Variants in UMAD1 observed in about 807,000 individuals in gnomAD.
The protein encoded by UMAD1 is UBAP1-MVB12-associated (UMA) domain containing 1, also known as UBAP1-MVB12-associated (UMA)-domain containing protein 1.
In UMAD1, 8 loss-of-function variants were observed where a neutral mutation model predicts 6.1. That is an observed-to-expected ratio of 1.30 (90% confidence interval 0.76 to 2.35). UMAD1 has a LOEUF of 2.35. Ranked by LOEUF, UMAD1 falls within the 30% of genes most tolerant of loss-of-function variation. The pLI, the probability that UMAD1 is intolerant of heterozygous loss-of-function variation, is 0.00. For synonymous variants in UMAD1, 56 were observed against 31.4 expected (o/e 1.78, Z -2.61); for missense variants, 130 against 78.4 (o/e 1.66, Z -2.49).
chr7:7,737,463 A>G (rs1247301527), intron 2 of UMAD1, among the ~76,000 whole-genome samples: 2 of 152,204 alleles, frequency 1.3e-5, no homozygotes, highest in Admixed American at 1.3e-4. Context: ...TATCTTGTGC[A>G]TTATTCAATC....
chr7:7,754,287 A>G (rs181488918), intron 2 of UMAD1, among the ~76,000 whole-genome samples: 3 of 152,302 alleles, frequency 2.0e-5, no homozygotes, highest in African/African-American at 7.2e-5. Context: ...TGTCTTGTGA[A>G]TATAAGCCAT....
In UMAD1 at chr7:7,753,471, TA is replaced by T. The variant is rs545924190; in HGVS notation, c.83-48197del. Among the ~76,000 whole-genome samples, 26 of 152,324 alleles carry T rather than the reference TA, an allele frequency of 1.7e-4. No homozygotes were observed. The South Asian group carries it at 5.0e-3, about 29-fold the overall frequency. On this transcript the variant is annotated intron_variant, in intron 2 of 3. Coordinates refer to ENST00000682710, the MANE Select transcript of UMAD1 (RefSeq NM_001302348.2). ...ACCATTCTTCTACTCTCTATTTCCA[TA>T]AGTTCAATTGTTTTGATTTTGAGAT...
chr7:7,768,578 G>A (rs995700437), intron 2 of UMAD1, among the ~76,000 whole-genome samples: 4 of 151,902 alleles, frequency 2.6e-5, no homozygotes, highest in African/African-American at 9.7e-5. Context: ...AACTCCTCCT[G>A]CTCTGGAGGA....
At chr7:7,854,355 C>CAAAAA (rs34829393) in intron 3 of UMAD1, among the ~76,000 whole-genome samples, 47 of 49,020 alleles carry the variant, frequency 9.6e-4, no homozygotes, top group Middle Eastern at 0.019. Flanking sequence ...AGCTCCATCT[C>CAAAAA]AAAAAAAAAA....
chr7:7,724,832 A>G (rs571258334), intron 2 of UMAD1, among the ~76,000 whole-genome samples: 1 of 152,302 alleles, frequency 6.6e-6, no homozygotes, highest in South Asian at 2.1e-4. Context: ...ACCAGAAGCA[A>G]TTTGCTTTCA....
At chr7:7,790,503 T>C (rs1276538732) in intron 2 of UMAD1, among the ~76,000 whole-genome samples, 1 of 152,206 alleles carries the variant, frequency 6.6e-6, no homozygotes, top group Non-Finnish European at 1.5e-5. Context: ...TTCAGGCCCA[T>C]TCAGGCCCTT....
At chr7:7,759,296 A>G (rs1042449939) in intron 2 of UMAD1, among the ~76,000 whole-genome samples, 3 of 152,170 alleles carry the variant, frequency 2.0e-5, no homozygotes, top group Non-Finnish European at 4.4e-5. Flanking sequence ...CCTGGACTCT[A>G]CAGGAATTAC....
At chr7:7,647,940 A>G (rs561477795) in intron 1 of UMAD1, among the ~76,000 whole-genome samples, 2 of 152,122 alleles carry the variant, frequency 1.3e-5, no homozygotes, top group Non-Finnish European at 2.9e-5. Context: ...GTTTGCTACT[A>G]TTATAGACGT....
chr7:7,812,059 A>G (rs1783030898), intron 3 of UMAD1, among the ~76,000 whole-genome samples: 1 of 152,200 alleles, frequency 6.6e-6, no homozygotes, highest in African/African-American at 2.4e-5. Flanking sequence ...TTGTTACCAC[A>G]ACATCTGTAT....
intron 2 of UMAD1, among the ~76,000 whole-genome samples, chr7:7,728,063 A>G (rs1390558293): frequency 2.6e-5 from 4 of 151,540 alleles, no homozygotes; most frequent in Non-Finnish European, 5.9e-5. Context: ...CCTATTTTTA[A>G]CTCTTGGGAC....
chr7:7,824,131 C>G (rs1783297927), intron 3 of UMAD1, among the ~76,000 whole-genome samples: 2 of 152,076 alleles, frequency 1.3e-5, no homozygotes, highest in Non-Finnish European at 1.5e-5. Context: ...TCCACAGAAT[C>G]AGAGAGGAAC....
Position 7,749,630 on chromosome 7 carries a change from G to A in UMAD1, c.83-52040G>A, listed in dbSNP as rs144937505. 8.3e-3 allele frequency among the ~76,000 whole-genome samples: 1,268 copies of A among 152,216 alleles called. 6 individuals carry two copies. Among genetic ancestry groups the A allele is most frequent in the Middle Eastern group, 0.014 (4 of 294 alleles). On this transcript the variant is annotated intron_variant, in intron 2 of 3. Coordinates refer to ENST00000682710, the MANE Select transcript of UMAD1 (RefSeq NM_001302348.2). ...CCTCTTGGCATGCTTAGGAGGGCAA[G>A]TCATGAATCTTTACTCTCATATTTT... is the stretch of plus-strand genomic sequence containing the variant.
chr7:7,697,483 T>C (rs926080489), intron 2 of UMAD1, among the ~76,000 whole-genome samples: 48 of 152,342 alleles, frequency 3.2e-4, no homozygotes, highest in African/African-American at 1.1e-3. Flanking sequence ...AAATGGCTAA[T>C]GTAAAATTCA....
rs71011001 is a variant in UMAD1, at chr7:7,704,766, C to CAAAAAAAA, written c.82+31333_82+31340dup. ...TGGGTGACAGAGCGAGACTCCATCT[C>CAAAAAAAA]AAAAAAAAAAAAAAAAAAAAAAAAA... On this transcript the variant is annotated intron_variant, in intron 2 of 3. Transcript: ENST00000682710. 2.0e-3 allele frequency among the ~76,000 whole-genome samples: 35 copies of CAAAAAAAA among 17,848 alleles called. 5 individuals carry two copies. The East Asian group carries it at 0.04, about 20-fold the overall frequency. The allele number at this position is 17,848 out of a possible 152,430, so 11.7% of individuals were successfully genotyped here.
intron 3 of UMAD1, among the ~76,000 whole-genome samples, chr7:7,845,947 G>T (rs11982917): frequency 0.094 from 14,235 of 152,090 alleles, 809 homozygotes; most frequent in Non-Finnish European, 0.13. Flanking sequence ...TTAATACTAG[G>T]CAACTATTTA....
intron 3 of UMAD1, among the ~76,000 whole-genome samples, chr7:7,851,596 C>G (rs777871338): frequency 1.2e-4 from 18 of 152,132 alleles, no homozygotes; most frequent in Non-Finnish European, 2.6e-4. Flanking sequence ...TATAACCATC[C>G]TGCTGGGTGA....
In UMAD1 at chr7:7,745,296, C is replaced by A. The variant is rs373334377; in HGVS notation, c.83-56374C>A. Among the ~76,000 whole-genome samples the A allele has an allele frequency of 3.9e-5, 6 of 152,270 alleles. No individual in the cohort carries two copies. The East Asian group carries it at 5.8e-4, about 15-fold the overall frequency. On this transcript the variant is annotated intron_variant, in intron 2 of 3. Transcript: ENST00000682710. ...ACACGTATAGTGTACACCTGCAGTT[C>A]AAACCTGTGTTGTTCAAGGGTCAGC...
At chr7:7,703,139 GTTTAT>G (rs1780505473) in intron 2 of UMAD1, among the ~76,000 whole-genome samples, 1 of 152,160 alleles carries the variant, frequency 6.6e-6, no homozygotes, top group Admixed American at 6.5e-5. Flanking sequence ...TACAGCTGTA[GTTTAT>G]TTTATTTGCC....
chr7:7,785,798 C>A (rs989648583), intron 2 of UMAD1, among the ~76,000 whole-genome samples: 2 of 152,126 alleles, frequency 1.3e-5, no homozygotes, highest in African/African-American at 4.8e-5. Context: ...GATGCTTTTT[C>A]TTCCTTGACA....
Sources: gnomAD v4.1 joint callset for allele counts (sites outside exome capture counted in the v4.1 genomes callset) on GRCh38, gnomAD v4.1.1 for gene constraint, MANE v1.5 for transcripts, NCBI Gene and HGNC (gene_info 2026-07-23, HGNC 2026-07-21) for gene names.